Variants in ZNF385D observed in about 807,000 individuals in gnomAD.
ZNF385D encodes the protein zinc finger protein 659.
ZNF385D carries 15 observed loss-of-function variants against 35.8 expected under a neutral mutation model. That is an observed-to-expected ratio of 0.42 (90% CI 0.28 to 0.64). The LOEUF (loss-of-function observed/expected upper bound fraction) is 0.64. ZNF385D is among the 30% of genes least tolerant of loss of function. The pLI is 0.23. For synonymous variants in ZNF385D, 212 were observed against 186.8 expected (o/e 1.13, Z -1.10); for missense variants, 474 against 494.6 (o/e 0.96, Z 0.39).
intron 3 of ZNF385D, among the ~76,000 whole-genome samples, chr3:21,908,438 G>A (rs1450633774): frequency 6.6e-6 from 1 of 152,008 alleles, no homozygotes; most frequent in Admixed American, 6.6e-5. Flanking sequence ...TACTGTGCAT[G>A]TCAACATTTG....
intron 1 of ZNF385D, among the ~76,000 whole-genome samples, chr3:21,730,372 T>C (rs1180119629): frequency 6.6e-6 from 1 of 152,234 alleles, no homozygotes; most frequent in Admixed American, 6.5e-5. Context: ...AAGAACTATG[T>C]GGGAAGCTTT....
chr3:22,362,012 G>A (rs963911987), intron 2 of ZNF385D, among the ~76,000 whole-genome samples: 2 of 151,310 alleles, frequency 1.3e-5, no homozygotes, highest in African/African-American at 2.4e-5. Context: ...AATGGCAGAC[G>A]TTTGTTATTA....
chr3:21,677,825 A>C (rs2066777520), intron 1 of ZNF385D, among the ~76,000 whole-genome samples: 1 of 152,010 alleles, frequency 6.6e-6, no homozygotes, highest in South Asian at 2.1e-4. Context: ...TTAGTTGTGG[A>C]AACTGGGGAA....
At chr3:21,831,980 A>G (rs1226360698) in intron 3 of ZNF385D, among the ~76,000 whole-genome samples, 1 of 152,210 alleles carries the variant, frequency 6.6e-6, no homozygotes, top group Admixed American at 6.5e-5. Flanking sequence ...ATTTGACATT[A>G]TAATGCACTA....
intron 1 of ZNF385D, among the ~76,000 whole-genome samples, chr3:21,669,941 C>T (rs755205788): frequency 3.3e-5 from 5 of 152,146 alleles, no homozygotes; most frequent in Non-Finnish European, 7.4e-5. Flanking sequence ...ACGCTTTTAA[C>T]CTTGAACTTC....
intron 3 of ZNF385D, among the ~76,000 whole-genome samples, chr3:21,947,213 T>A (rs1356129870): frequency 1.3e-5 from 2 of 152,230 alleles, no homozygotes; most frequent in Non-Finnish European, 2.9e-5. Context: ...ATCAAACTTA[T>A]AAATACAATA....
At chr3:22,278,980 T>A (rs1172261247) in intron 2 of ZNF385D, among the ~76,000 whole-genome samples, 2 of 152,116 alleles carry the variant, frequency 1.3e-5, no homozygotes, top group African/African-American at 4.8e-5. Context: ...TTAGGCGGGT[T>A]ACTAGAAATT....
chr3:21,777,365 C>CCT, intron 3 of ZNF385D, among the ~76,000 whole-genome samples: 1 of 151,926 alleles, frequency 6.6e-6, no homozygotes, highest in Non-Finnish European at 1.5e-5. Context: ...CCCTAAATGC[C>CCT]CTCTCTCTCT....
chr3:22,080,480 C>T (rs147714065), intron 3 of ZNF385D, among the ~76,000 whole-genome samples: 296 of 152,136 alleles, frequency 1.9e-3, no homozygotes, highest in African/African-American at 6.9e-3. Flanking sequence ...AAACTAAAAT[C>T]ATATAAATAA....
At chr3:22,143,201 G>GCC (rs1704634159) in intron 3 of ZNF385D, among the ~76,000 whole-genome samples, 1 of 151,700 alleles carries the variant, frequency 6.6e-6, no homozygotes, top group East Asian at 2.0e-4. Flanking sequence ...TCCTGCCTCA[G>GCC]CCTCCGGAGT....
intron 2 of ZNF385D, among the ~76,000 whole-genome samples, chr3:22,204,024 T>C (rs1461824182): frequency 6.6e-6 from 1 of 152,056 alleles, no homozygotes; most frequent in East Asian, 1.9e-4. Flanking sequence ...ACAGTGCACC[T>C]TGGGTGAGAC....
chr3:21,797,785 A>G (rs1331503753), intron 3 of ZNF385D, among the ~76,000 whole-genome samples: 1 of 152,196 alleles, frequency 6.6e-6, no homozygotes, highest in Non-Finnish European at 1.5e-5. Flanking sequence ...ACTATATGAC[A>G]AAATGGAAAA....
chr3:22,224,508 C>A (rs1470137492), intron 2 of ZNF385D, among the ~76,000 whole-genome samples: 1 of 152,102 alleles, frequency 6.6e-6, no homozygotes, highest in East Asian at 1.9e-4. Flanking sequence ...GCATGGTAGA[C>A]AACCCACAGT....
chr3:22,020,524 A>G (rs1697160230), intron 3 of ZNF385D, among the ~76,000 whole-genome samples: 1 of 152,028 alleles, frequency 6.6e-6, no homozygotes, highest in Non-Finnish European at 1.5e-5. Context: ...GGTATATGAA[A>G]AAAATGTACA....
At position 22,096,278 on chromosome 3, in the gene ZNF385D, C is replaced by T. The variant is rs111940496; in HGVS notation, c.325+72539G>A. On this transcript the variant is annotated intron_variant, in intron 3 of 5. Transcript: ENST00000494108. Reference sequence around the variant, plus strand: ...CCAAACCTCAGCATTGCACAATATACCCAGGTATCAAACCTGCACATGTAA... The same window carrying T: ...CCAAACCTCAGCATTGCACAATATATCCAGGTATCAAACCTGCACATGTAA... 3.2e-3 allele frequency among the ~76,000 whole-genome samples: 482 copies of T among 151,938 alleles called. 5 individuals are homozygous for T. The highest frequency in any genetic ancestry group is 0.011 in the African/African-American group (443 of 41,454).
chr3:21,903,605 T>A (rs1389425223), intron 3 of ZNF385D, among the ~76,000 whole-genome samples: 1 of 152,202 alleles, frequency 6.6e-6, no homozygotes, highest in Non-Finnish European at 1.5e-5. Flanking sequence ...TATAAAAATT[T>A]CTCAAAATTC....
intron 3 of ZNF385D, 49 bp from the exon 4 acceptor site, chr3:21,511,072 T>C (rs1316104458): frequency 6.2e-7 from 1 of 1,607,974 alleles, no homozygotes; most frequent in East Asian, 2.2e-5. Context: ...ATTTCTAAAC[T>C]GGCATTCTCT....
chr3:22,141,148 G>A (rs544505804), intron 3 of ZNF385D, among the ~76,000 whole-genome samples: 2 of 152,214 alleles, frequency 1.3e-5, no homozygotes, highest in South Asian at 4.2e-4. Flanking sequence ...GGTTTATACT[G>A]TTCCTAAAAT....
Position 21,581,539 on chromosome 3 carries a change from T to A in ZNF385D, c.166-16855A>T, listed in dbSNP as rs529568988. ...TGACAGAGAGGGCTCAATAAAGATT[T>A]ATTGTTAGAAAAATTATTAGACATG... On this transcript the variant is annotated intron_variant, in intron 2 of 7. Transcript: ENST00000281523. 2.4e-4 allele frequency among the ~76,000 whole-genome samples: 37 copies of A among 152,274 alleles called. No homozygotes were observed. The South Asian group carries it at 7.5e-3, about 31-fold the overall frequency.
Sources: allele counts gnomAD v4.1 joint callset (sites outside exome capture counted in the v4.1 genomes callset), GRCh38; gene constraint gnomAD v4.1.1; transcripts MANE v1.5; gene names NCBI Gene and HGNC (gene_info 2026-07-23, HGNC 2026-07-21).